Variants in DZIP3 observed in about 807,000 individuals in gnomAD.
DZIP3 encodes E3 ubiquitin-protein ligase DZIP3.
A neutral mutation model predicts 162.0 loss-of-function variants in DZIP3; 118 were observed. The observed-to-expected ratio is 0.73, with a 90% CI of 0.63 to 0.85. The LOEUF (loss-of-function observed/expected upper bound fraction) is 0.85. Among genes scored for constraint, DZIP3 ranks in the 40% least tolerant of loss-of-function variants. The pLI is 0.00. For missense variants in DZIP3, 1,331 were observed against 1,407.0 expected, an observed-to-expected ratio of 0.95 and a Z score of 0.86; for synonymous variants, 438 against 458.6, an observed-to-expected ratio of 0.96 and a Z score of 0.57.
At chr3:108,592,499 G>T (rs1939476872) in intron 1 of DZIP3, among the ~76,000 whole-genome samples, 1 of 151,996 alleles carries the variant, frequency 6.6e-6, no homozygotes, top group South Asian at 2.1e-4. Context: ...TTCAAGACCA[G>T]CTTGGGCAAT....
intron 27 of DZIP3, among the ~76,000 whole-genome samples, chr3:108,685,918 G>A (rs754393133): frequency 1.4e-4 from 21 of 152,060 alleles, no homozygotes; most frequent in East Asian, 7.7e-4. Flanking sequence ...AAAGGAAGTC[G>A]TATCATAAAT....
At chr3:108,608,411 T>C (rs935929522) in intron 3 of DZIP3, among the ~76,000 whole-genome samples, 2 of 152,090 alleles carry the variant, frequency 1.3e-5, no homozygotes, top group African/African-American at 4.8e-5. Context: ...AATGGAATCA[T>C]CCAGAAATAA....
At chr3:108,671,398 T>G (rs1212416015) in intron 22 of DZIP3, among the ~76,000 whole-genome samples, 1 of 151,942 alleles carries the variant, frequency 6.6e-6, no homozygotes, top group Non-Finnish European at 1.5e-5. Flanking sequence ...TTAATTGTTT[T>G]CATTAAATTT....
intron 21 of DZIP3, among the ~76,000 whole-genome samples, chr3:108,664,317 C>G (rs1049479608): frequency 6.6e-6 from 1 of 152,198 alleles, no homozygotes; most frequent in African/African-American, 2.4e-5. Context: ...ACACCAGTGG[C>G]CCCACACCAC....
chr3:108,675,649 A>C, intron 24 of DZIP3, 137 bp from the exon 25 acceptor site: 1 of 574,230 alleles, frequency 1.7e-6, no homozygotes, highest in Non-Finnish European at 2.9e-6. Context: ...CTTTATGTCC[A>C]TTTGAAGTAA....
chr3:108,608,083 A>G lies in DZIP3; in HGVS notation c.33-6A>G. 1 of 1,610,194 alleles carries G rather than the reference A, an allele frequency of 6.2e-7. No homozygotes were observed. Among genetic ancestry groups the G allele is most frequent in the Non-Finnish European group, 8.5e-7 (1 of 1,177,304 alleles). On this transcript the variant is annotated splice_region_variant and splice_polypyrimidine_tract_variant and intron_variant, in intron 2 of 32. Transcript: ENST00000361582. ...TCTTAATATACCTCATTTTCATTTA[A>G]AATAGGCATCCTGCTGTGGAGGATC... is the stretch of plus-strand genomic sequence containing the variant.
In DZIP3 at chr3:108,662,453, A is replaced by G. The variant is rs149342714; in HGVS notation, c.2423+196A>G. ...TGAGAAATAAGCAGCTGCTCACACT[A>G]TATATCAAGCTTTTCATGTATTGGC... On this transcript the variant is annotated intron_variant, in intron 21 of 32. Coordinates refer to ENST00000361582, the MANE Select transcript of DZIP3 (RefSeq NM_014648.4). Among the ~76,000 whole-genome samples, 1,190 of 152,322 alleles carry G rather than the reference A, an allele frequency of 7.8e-3. 11 individuals are homozygous for G. Among genetic ancestry groups the G allele is most frequent in the Non-Finnish European group, 0.012 (783 of 68,022 alleles).
chr3:108,599,258 C>T (rs1304750843), intron 1 of DZIP3, among the ~76,000 whole-genome samples: 1 of 152,158 alleles, frequency 6.6e-6, no homozygotes, highest in African/African-American at 2.4e-5. Context: ...TTTCTGATAA[C>T]TTTTGCAAAG....
intron 21 of DZIP3, among the ~76,000 whole-genome samples, chr3:108,663,599 T>C (rs1214510156): frequency 1.3e-5 from 2 of 151,684 alleles, no homozygotes; most frequent in African/African-American, 4.8e-5. Flanking sequence ...ATTCAAAACT[T>C]CATCTTTTAG....
rs758616906 is a variant in DZIP3 at position 108,654,273 on chromosome 3, G to C, written c.2162G>C (p.Ser721Thr). Residue 721 changes from serine (S) to threonine (T), a missense_variant, in exon 19 of 33, where the codon AGC (serine) becomes ACC (threonine). Ser to Thr is a moderately conservative substitution (Grantham distance 58). Around this residue, in one of 2 missense-constraint regions of DZIP3, gnomAD observed 1,278 missense variants for 1,317.1 expected, o/e 0.97. Coordinates refer to ENST00000361582, the MANE Select transcript of DZIP3 (RefSeq NM_014648.4). ...TCTGCAATGGAAGACAAGTTCTATAGCCTGGATGAATTGCATATTCTGGAC... is the reference window on the plus strand; with the variant it reads ...TCTGCAATGGAAGACAAGTTCTATACCCTGGATGAATTGCATATTCTGGAC... ...EDSAMEDKFY[S>T]LDELHILDMI... 1.1e-5 allele frequency: 18 copies of C among 1,613,790 alleles called. No individual in the cohort carries two copies. Among genetic ancestry groups the C allele is most frequent in the Non-Finnish European group, 1.5e-5 (18 of 1,179,722 alleles).
At chr3:108,616,092 A>AT (rs1940988496) in intron 4 of DZIP3, among the ~76,000 whole-genome samples, 1 of 152,086 alleles carries the variant, frequency 6.6e-6, no homozygotes, top group South Asian at 2.1e-4. Flanking sequence ...GTGAAACCCC[A>AT]TCTCTACTAA....
rs763691160 is a variant in DZIP3, at chr3:108,690,894, C to A, written c.3624C>A (p.Ile1208=). Residue 1208 remains isoleucine (I), a synonymous_variant, in exon 32 of 33, where the codon ATC becomes ATA. Coordinates refer to ENST00000361582, the MANE Select transcript of DZIP3 (RefSeq NM_014648.4). ...ACCCCAGCCGGCAGTTGCCCAAGAT[C>A]TGATACAAGGTCGGGGTGTCTATGC... is the stretch of plus-strand genomic sequence containing the variant. ...PGHPSRQLPK[I] The A allele has an allele frequency of 3.1e-6, 5 of 1,613,950 alleles. No individual in the cohort carries two copies. The highest frequency in any genetic ancestry group is 4.2e-6 in the Non-Finnish European group (5 of 1,179,948).
chr3:108,602,726 AGGCT>A (rs1464949760), intron 1 of DZIP3: 1 of 152,186 alleles, frequency 6.6e-6, no homozygotes, highest in Non-Finnish European at 1.5e-5. Context: ...GTGACATTTC[AGGCT>A]GACTGCTTCC....
intron 9 of DZIP3, among the ~76,000 whole-genome samples, chr3:108,634,105 T>C (rs1472650530): frequency 1.3e-5 from 2 of 152,112 alleles, no homozygotes; most frequent in African/African-American, 4.8e-5. Flanking sequence ...GCATGATGTG[T>C]ACAGCCAATC....
chr3:108,599,228 G>A (rs1438186886), intron 1 of DZIP3, among the ~76,000 whole-genome samples: 1 of 152,032 alleles, frequency 6.6e-6, no homozygotes, highest in Non-Finnish European at 1.5e-5. Context: ...TGATCTTTTG[G>A]GATAGAAAAT....
rs750358888 is a variant in DZIP3, at chr3:108,690,907, G to A, written c.*6+4G>A. ...GTTGCCCAAGATCTGATACAAGGTC[G>A]GGGTGTCTATGCAAAGGAAGCTCAG... On this transcript the variant is annotated splice_donor_region_variant and intron_variant, in intron 32 of 32. Coordinates refer to ENST00000361582, the MANE Select transcript of DZIP3 (RefSeq NM_014648.4). The A allele has an allele frequency of 1.9e-5, 31 of 1,613,008 alleles. 1 individual carries two copies. The highest frequency in any genetic ancestry group is 1.9e-4 in the South Asian group (17 of 91,030).
intron 6 of DZIP3, 109 bp downstream of exon 6, chr3:108,624,633 G>A (rs184179156): frequency 1.9e-6 from 1 of 531,642 alleles, no homozygotes; most frequent in East Asian, 3.5e-5. Context: ...CTTAATATTA[G>A]CTTATAACTT....
chr3:108,597,370 A>C (rs1397897640), intron 1 of DZIP3, among the ~76,000 whole-genome samples: 3 of 151,876 alleles, frequency 2.0e-5, no homozygotes, highest in Admixed American at 1.3e-4. Flanking sequence ...ATCTAATCAC[A>C]TCTATCCCAG....
At chr3:108,640,971 A>T (rs1406367315) in intron 12 of DZIP3, among the ~76,000 whole-genome samples, 1 of 147,956 alleles carries the variant, frequency 6.8e-6, no homozygotes, top group African/African-American at 2.5e-5. Flanking sequence ...TTCCATTTGT[A>T]TTTTCTTTAC....
Sources: gnomAD v4.1 joint callset for allele counts (sites outside exome capture counted in the v4.1 genomes callset) on GRCh38, gnomAD v4.1.1 for gene constraint, gnomAD v4.1.1 regional missense constraint, MANE v1.5 for transcripts, NCBI Gene and HGNC (gene_info 2026-07-23, HGNC 2026-07-21) for gene names.